LITAF: variants seen among roughly 807,000 people sequenced by gnomAD.
LITAF encodes the protein lipopolysaccharide-induced tumor necrosis factor-alpha factor.
In LITAF, 9 loss-of-function variants were observed where a neutral mutation model predicts 14.5. The observed-to-expected ratio is 0.62, with a 90% CI of 0.37 to 1.08. The LOEUF is 1.08. Ranked by LOEUF, LITAF falls within the 50% of genes least tolerant of loss-of-function variation. The pLI is 0.01. For missense variants in LITAF, 206 were observed against 213.4 expected (o/e 0.97, Z 0.22); for synonymous variants, 98 against 88.2 (o/e 1.11, Z -0.62).
chr16:11,621,725 C>T (rs1230437812), intron 3 of LITAF, among the ~76,000 whole-genome samples: 6 of 152,058 alleles, frequency 3.9e-5, no homozygotes, highest in Admixed American at 6.6e-5. Flanking sequence ...GGCCGGCTCC[C>T]TGACACCTTG....
At chr16:11,602,182 C>A (rs2064931975), upstream of LITAF, among the ~76,000 whole-genome samples, 1 of 152,108 alleles carries the variant, frequency 6.6e-6, no homozygotes, top group Non-Finnish European at 1.5e-5. Context: ...CATAGTGAAA[C>A]CCTGTCTCTA....
At chr16:11,607,688 T>C (rs542634551) in intron 3 of LITAF, among the ~76,000 whole-genome samples, 2 of 151,950 alleles carry the variant, frequency 1.3e-5, no homozygotes, top group Non-Finnish European at 2.9e-5. Flanking sequence ...CAAAAAAAAA[T>C]TTAATAAATA....
In LITAF at chr16:11,553,318, G is replaced by A; in HGVS notation, c.377+215C>T. 1.8e-6 allele frequency: 1 copy of A among 558,472 alleles called. No individual in the cohort carries two copies. The highest frequency in any genetic ancestry group is 3.2e-5 in the East Asian group (1 of 31,524). 34.6% of individuals were successfully genotyped at this position (558,472 alleles called of 1,614,324 possible). ...CCCAGCTACACGGGACGCTAAGGCA[G>A]GAGAATCGTTTGAACCTGAGCAGTG... On this transcript the variant is annotated intron_variant, in intron 3 of 3. Coordinates refer to ENST00000622633, the MANE Select transcript of LITAF (RefSeq NM_001136472.2). The surrounding 1 kb of genome is among the most constrained non-coding windows in gnomAD (Gnocchi z 7.7).
At position 11,556,624 on chromosome 16, in the gene LITAF, G is replaced by A; in HGVS notation, c.107C>T (p.Pro36Leu). Residue 36 changes from proline to leucine, a missense_variant, in exon 2 of 4, where the codon CCT (proline) becomes CTT (leucine). Coordinates refer to ENST00000622633, the MANE Select transcript of LITAF (RefSeq NM_001136472.2). Reference protein sequence around the residue: ...TVAVNSYYPTPPAPMPGPTTG... With the variant: ...TVAVNSYYPTLPAPMPGPTTG... ...AGTTGGCCCAGGCATGGGAGCTGGA[G>A]GTGTGGGGTAATAACTGTTAACAGC... 6.2e-7 allele frequency: 1 copy of A among 1,614,234 alleles called. No homozygotes were observed. The highest frequency in any genetic ancestry group is 8.5e-7 in the Non-Finnish European group (1 of 1,180,046).
chr16:11,597,593 G>A (rs1339237886), intron 1 of LITAF, among the ~76,000 whole-genome samples: 3 of 152,156 alleles, frequency 2.0e-5, no homozygotes, highest in Admixed American at 6.5e-5. Flanking sequence ...CTGGCTCTAC[G>A]TCCATGCTCA....
At chr16:11,620,349 A>T (rs543766463) in intron 3 of LITAF, among the ~76,000 whole-genome samples, 4 of 152,054 alleles carry the variant, frequency 2.6e-5, no homozygotes, top group African/African-American at 9.6e-5. Flanking sequence ...TGTTTAAAAG[A>T]CTGTGGCCCT....
upstream of LITAF, among the ~76,000 whole-genome samples, chr16:11,591,929 C>T (rs2064849287): frequency 2.0e-5 from 3 of 152,128 alleles, no homozygotes. Context: ...AACTGGATAT[C>T]CACATGTAGA....
chr16:11,601,283 C>T (rs77193436), upstream of LITAF, among the ~76,000 whole-genome samples: 3,203 of 149,334 alleles, frequency 0.021, 77 homozygotes, highest in African/African-American at 0.051. Context: ...TGACAGAGGT[C>T]ATTCCCCCAC....
Position 11,559,561 on chromosome 16 carries a change from A to C in LITAF, c.-5-2826T>G, listed in dbSNP as rs373285983. On this transcript the variant is annotated intron_variant, in intron 1 of 3. Transcript: ENST00000622633. ...AATGTAAAAATACACCCTGGGTTTC[A>C]AAACTTAGTAGGAAAAAATGAATGT... Among the ~76,000 whole-genome samples the C allele has an allele frequency of 3.5e-4, 53 of 152,246 alleles. No homozygotes were observed. The South Asian group carries it at 0.01, about 29-fold the overall frequency.
rs1344135416 is a variant in LITAF, at chr16:11,549,315, G to C, written c.*322C>G. 2.2e-6 allele frequency: 1 copy of C among 456,170 alleles called. No individual in the cohort carries two copies. The highest frequency in any genetic ancestry group is 2.3e-5 in the Admixed American group (1 of 42,602). 28.3% of individuals were successfully genotyped at this position (456,170 alleles called of 1,614,324 possible). ...ATGGAAGCAGGAAAAAAGAGCCACTGATGGCAGATCACAGGAAGATATTCG... is the reference window on the plus strand; with the variant it reads ...ATGGAAGCAGGAAAAAAGAGCCACTCATGGCAGATCACAGGAAGATATTCG... On this transcript the variant is annotated 3_prime_UTR_variant, in exon 4 of 4. Transcript: ENST00000622633. This position sits in a 1 kb window ranked among gnomAD's most constrained non-coding sequence, Gnocchi z 4.6.
intron 3 of LITAF, among the ~76,000 whole-genome samples, chr16:11,624,208 A>G (rs940902348): frequency 3.3e-5 from 5 of 152,156 alleles, no homozygotes; most frequent in African/African-American, 9.7e-5. Flanking sequence ...ATTATCAGGT[A>G]GGCCTTTCCC....
chr16:11,568,498 T>G (rs191960298), intron 1 of LITAF, among the ~76,000 whole-genome samples: 185 of 152,112 alleles, frequency 1.2e-3, no homozygotes, highest in African/African-American at 4.3e-3. Context: ...GAAATGACAC[T>G]GGCTTTCTTC....
intron 3 of LITAF, among the ~76,000 whole-genome samples, chr16:11,613,605 G>A (rs1363520183): frequency 6.6e-6 from 1 of 152,250 alleles, no homozygotes. Context: ...CCCAGAGGGT[G>A]AGGGCAGTCA....
chr16:11,591,602 A>G (rs1289950278), upstream of LITAF, among the ~76,000 whole-genome samples: 3 of 152,014 alleles, frequency 2.0e-5, no homozygotes, highest in Non-Finnish European at 4.4e-5. Context: ...TATAAACCAT[A>G]TATCTATGAT....
intron 1 of LITAF, among the ~76,000 whole-genome samples, chr16:11,564,545 T>C (rs958066232): frequency 5.3e-5 from 8 of 151,600 alleles, no homozygotes. Flanking sequence ...AAAGGTACAG[T>C]GTTCTAGATA....
At chr16:11,625,773 C>A (rs1204665641) in intron 3 of LITAF, among the ~76,000 whole-genome samples, 1 of 152,170 alleles carries the variant, frequency 6.6e-6, no homozygotes, top group African/African-American at 2.4e-5. Flanking sequence ...CTGCTGTGTG[C>A]CCGCGCTGGA....
intron 2 of LITAF, chr16:11,633,650 A>G (rs993981999): frequency 1.3e-5 from 2 of 152,194 alleles, no homozygotes; most frequent in African/African-American, 4.8e-5. Flanking sequence ...AGATGGTCCA[A>G]AAAGGGGAGG....
At chr16:11,622,626 A>G (rs990287066) in intron 3 of LITAF, among the ~76,000 whole-genome samples, 9 of 152,364 alleles carry the variant, frequency 5.9e-5, no homozygotes, top group African/African-American at 2.2e-4. Flanking sequence ...TAACAGGGTT[A>G]TTTAAAGCCA....
At chr16:11,579,030 A>T (rs946328108) in intron 1 of LITAF, among the ~76,000 whole-genome samples, 12 of 152,000 alleles carry the variant, frequency 7.9e-5, no homozygotes, top group Non-Finnish European at 1.6e-4. Flanking sequence ...CTCTACTAAA[A>T]ATACAAAAAT....
Sources: gnomAD v4.1 joint callset for allele counts (sites outside exome capture counted in the v4.1 genomes callset) on GRCh38, gnomAD v4.1.1 for gene constraint, Gnocchi (gnomAD v3.1) non-coding constraint, MANE v1.5 for transcripts, NCBI Gene and HGNC (gene_info 2026-07-23, HGNC 2026-07-21) for gene names.